CENPF: variants seen among roughly 807,000 people sequenced by gnomAD.
CENPF encodes the protein AH antigen.
A neutral mutation model predicts 307.3 loss-of-function variants in CENPF; 214 were observed. The observed-to-expected ratio is 0.70, with a 90% CI of 0.62 to 0.78. CENPF has a LOEUF of 0.78. CENPF is among the 30% of genes least tolerant of loss of function. CENPF has a pLI of 0.00. For synonymous variants in CENPF, 1,259 were observed against 1,270.6 expected, an observed-to-expected ratio of 0.99 and a Z score of 0.19; for missense variants, 3,401 against 3,483.9, an observed-to-expected ratio of 0.98 and a Z score of 0.60.
intron 10 of CENPF, among the ~76,000 whole-genome samples, chr1:214,635,378 G>T (rs1330796976): frequency 1.3e-5 from 2 of 152,200 alleles, no homozygotes; most frequent in South Asian, 2.1e-4. Context: ...GTTGATCTGG[G>T]TGGAATTGCT....
intron 1 of CENPF, among the ~76,000 whole-genome samples, chr1:214,612,115 T>A (rs1174345985): frequency 6.6e-6 from 1 of 152,224 alleles, no homozygotes; most frequent in East Asian, 1.9e-4. Context: ...TGTGGGTTTG[T>A]CATAGATGGC....
Position 214,640,607 on chromosome 1 carries a change from C to A in CENPF, c.2269C>A (p.His757Asn), listed in dbSNP as rs768431064. ...MDKDRCYQDL[H>N]AEYESLRDLL... ...CAAAGACCGGTGTTACCAAGACTTG[C>A]ATGCCGAATATGAGAGCCTCAGGGA... Residue 757 changes from histidine to asparagine, a missense_variant, in exon 12 of 20, where the codon CAT (histidine) becomes AAT (asparagine). His to Asn is a moderately conservative substitution (Grantham distance 68). Transcript: ENST00000366955. 1.2e-6 allele frequency: 2 copies of A among 1,614,112 alleles called. No individual in the cohort carries two copies. Among genetic ancestry groups the A allele is most frequent in the South Asian group, 2.2e-5 (2 of 91,074 alleles).
chr1:214,640,001 A>G lies in CENPF; in HGVS notation c.1663A>G (p.Lys555Glu), dbSNP rs1477418384. The G allele has an allele frequency of 6.3e-7, 1 of 1,590,924 alleles. No individual in the cohort carries two copies. Among genetic ancestry groups the G allele is most frequent in the Non-Finnish European group, 8.5e-7 (1 of 1,174,442 alleles). Residue 555 changes from lysine (K) to glutamate (E), a missense_variant, in exon 12 of 20, where the codon AAA becomes GAA. Transcript: ENST00000366955. The stretch of plus-strand genomic sequence containing the variant: ...GCAAGAAAACTCCTTGACTTTAGAA[A>G]AACTGAAGCTTGCTGTGGCTGATCT... Reference protein sequence around the residue: ...NQQENSLTLEKLKLAVADLEK... With the variant: ...NQQENSLTLEELKLAVADLEK...
intron 15 of CENPF, 66 bp downstream of exon 15, chr1:214,651,952 T>G (rs900094971): frequency 1.4e-6 from 2 of 1,400,594 alleles, no homozygotes; most frequent in Non-Finnish European, 1.9e-6. Context: ...AAGGCTTTTT[T>G]TTTTTTCCAA....
chr1:214,655,379 G>A lies in CENPF; in HGVS notation c.8461G>A (p.Ala2821Thr), dbSNP rs2102417093. ...GCAGAAAGAACTCTCTCAACTTCAA[G>A]CTGCACAGGAGAAGCAGAAAACAGG... ...ILQKELSQLQ[A>T]AQEKQKTGTV... The change falls in exon 17 of 20, where the codon GCT becomes ACT. Residue 2821 changes from alanine (A) to threonine (T), a missense_variant. By Grantham distance (58) the Ala-to-Thr change is moderately conservative. Coordinates refer to ENST00000366955, the MANE Select transcript of CENPF (RefSeq NM_016343.4). 6.2e-7 allele frequency: 1 copy of A among 1,604,424 alleles called. No individual in the cohort carries two copies. The highest frequency in any genetic ancestry group is 8.5e-7 in the Non-Finnish European group (1 of 1,176,368).
rs140887866 is a variant in CENPF, at chr1:214,657,183, A to C, written c.8736A>C (p.Pro2912=). 2,665 of 1,614,202 alleles carry C rather than the reference A, an allele frequency of 1.7e-3. 7 individuals are homozygous for C. The highest frequency in any genetic ancestry group is 2.1e-3 in the Non-Finnish European group (2,448 of 1,180,016). The part of the protein sequence containing the change: ...LLGPVVPGPS[P]IPSVTEKRLS... ...GTCCAGTTGTTCCAGGACCATCTCCAATCCCTTCTGTTACTGAAAAGAGGT... is the reference window on the plus strand; with the variant it reads ...GTCCAGTTGTTCCAGGACCATCTCCCATCCCTTCTGTTACTGAAAAGAGGT... The change falls in exon 18 of 20, where the codon CCA becomes CCC. Residue 2912 remains proline, a synonymous_variant. Transcript: ENST00000366955.
At chr1:214,619,312 T>G in intron 5 of CENPF, 92 bp downstream of exon 5, 1 of 670,090 alleles carries the variant, frequency 1.5e-6, no homozygotes, top group South Asian at 2.1e-5. Flanking sequence ...CTGTTTTACA[T>G]AGAGCTGGCC....
In CENPF at chr1:214,630,568, T is replaced by G; in HGVS notation, c.1229T>G (p.Leu410Arg). The stretch of plus-strand genomic sequence containing the variant: ...CGTCAACAGCGTTCTTTCCAAACAC[T>G]GGACCAGGAGTGCATCCAGATGAAG... ...LSRQQRSFQT[L>R]DQECIQMKAR... Residue 410 changes from leucine (L) to arginine (R), a missense_variant, in exon 9 of 20, where the codon CTG becomes CGG. Physicochemically the swap from Leu to Arg is moderately radical, Grantham distance 102. Transcript: ENST00000366955. 2 of 1,614,114 alleles carry G rather than the reference T, an allele frequency of 1.2e-6. No individual in the cohort carries two copies. Among genetic ancestry groups the G allele is most frequent in the Non-Finnish European group, 1.7e-6 (2 of 1,180,010 alleles).
chr1:214,620,799 G>T lies in CENPF; in HGVS notation c.718G>T (p.Asp240Tyr). The T allele has an allele frequency of 5.6e-6, 9 of 1,614,170 alleles. No individual in the cohort carries two copies. The highest frequency in any genetic ancestry group is 1.3e-5 in the African/African-American group (1 of 75,048). ...SNSQRTPIRRDFSASYFSGEQ... is the reference protein window; with the variant it reads ...SNSQRTPIRRYFSASYFSGEQ... ...TTCTCAAAGAACTCCAATTAGGAGAGATTTCTCTGCATCTTACTTTTCTGG... is the reference window on the plus strand; with the variant it reads ...TTCTCAAAGAACTCCAATTAGGAGATATTTCTCTGCATCTTACTTTTCTGG... The change falls in exon 6 of 20, where the codon GAT becomes TAT. Residue 240 changes from aspartate to tyrosine, a missense_variant. Physicochemically the swap from Asp to Tyr is radical, Grantham distance 160. Coordinates refer to ENST00000366955, the MANE Select transcript of CENPF (RefSeq NM_016343.4).
rs749098166 is a variant in CENPF at position 214,646,576 on chromosome 1, G to A, written c.7006G>A (p.Gly2336Ser). 1.9e-6 allele frequency: 3 copies of A among 1,613,940 alleles called. No homozygotes were observed. Among genetic ancestry groups the A allele is most frequent in the Non-Finnish European group, 2.5e-6 (3 of 1,180,008 alleles). ...TGAGCATCATGCAGATTTACTTAAG[G>A]GTAGAGTGGAGAACCTTGAAAGAGA... ...ESEHHADLLKGRVENLERELE... is the reference protein window; with the variant it reads ...ESEHHADLLKSRVENLERELE... The change falls in exon 13 of 20, where the codon GGT (glycine) becomes AGT (serine). Residue 2336 changes from glycine (G) to serine (S), a missense_variant. Physicochemically the swap from Gly to Ser is moderately conservative, Grantham distance 56. Transcript: ENST00000366955.
At position 214,656,967 on chromosome 1, in the gene CENPF, A is replaced by C; in HGVS notation, c.8520A>C (p.Thr2840=). 2 of 1,611,926 alleles carry C rather than the reference A, an allele frequency of 1.2e-6. No homozygotes were observed. The highest frequency in any genetic ancestry group is 1.7e-6 in the Non-Finnish European group (2 of 1,179,458). ...TGGATACCAAGGTCGATGAATTAAC[A>C]ACTGAGATCAAAGAACTGAAAGAAA... is the stretch of plus-strand genomic sequence containing the variant. ...TVMDTKVDEL[T]TEIKELKETL... Residue 2840 remains threonine, a synonymous_variant, in exon 18 of 20, where the codon ACA becomes ACC. Transcript: ENST00000366955.
chr1:214,616,846 T>C (rs568452917), intron 3 of CENPF, among the ~76,000 whole-genome samples: 88 of 3,818 alleles, frequency 0.023, 3 homozygotes, highest in African/African-American at 0.044. Context: ...TCTTTCTTTC[T>C]TTCTTTCTTT....
chr1:214,645,649 T>C lies in CENPF; in HGVS notation c.6079T>C (p.Leu2027=). Residue 2027 remains leucine (L), a synonymous_variant, in exon 13 of 20, where the codon TTA becomes CTA. Coordinates refer to ENST00000366955, the MANE Select transcript of CENPF (RefSeq NM_016343.4). The stretch of plus-strand genomic sequence containing the variant: ...TTTGTCCTCTGATGTGAGTGAGCTG[T>C]TAAAAGACAAAACTCATCTCCAGGA... ...QTLSSDVSEL[L]KDKTHLQEKL... 6.2e-7 allele frequency: 1 copy of C among 1,614,060 alleles called. No homozygotes were observed. The highest frequency in any genetic ancestry group is 1.3e-5 in the African/African-American group (1 of 75,016).
chr1:214,608,565 C>T (rs1424089090), intron 1 of CENPF: 21 of 1,610,472 alleles, frequency 1.3e-5, no homozygotes, highest in Middle Eastern at 4.5e-4. Context: ...GGCGGGCGCT[C>T]TTGGTGGGGA....
intron 1 of CENPF, chr1:214,606,088 G>T: frequency 6.3e-7 from 1 of 1,586,380 alleles, no homozygotes; most frequent in Non-Finnish European, 8.5e-7. Context: ...ACCTGGAGGC[G>T]CCGGAGCAGG....
At chr1:214,633,194 G>A (rs1571709262) in intron 10 of CENPF, among the ~76,000 whole-genome samples, 1 of 152,220 alleles carries the variant, frequency 6.6e-6, no homozygotes. Context: ...GCATGCCCTG[G>A]TTGACGGTGT....
Position 214,657,224 on chromosome 1 carries a change from A to G in CENPF, c.8777A>G (p.Asn2926Ser), listed in dbSNP as rs775447126. The change falls in exon 18 of 20, where the codon AAT becomes AGT. Residue 2926 changes from asparagine (N) to serine (S), a missense_variant. Coordinates refer to ENST00000366955, the MANE Select transcript of CENPF (RefSeq NM_016343.4). ...GAAAAGAGGTTATCATCTGGCCAAA[A>G]TAAAGCTTCAGGCAAGAGGCAAAGA... ...VTEKRLSSGQ[N>S]KASGKRQRSS... 1.2e-6 allele frequency: 2 copies of G among 1,614,156 alleles called. No homozygotes were observed. The highest frequency in any genetic ancestry group is 1.7e-6 in the Non-Finnish European group (2 of 1,180,026).
chr1:214,615,495 C>T (rs767307155), intron 3 of CENPF, among the ~76,000 whole-genome samples: 15 of 151,968 alleles, frequency 9.9e-5, no homozygotes, highest in Non-Finnish European at 1.9e-4. Context: ...ACTGATGGCT[C>T]GTGTTTTCTC....
At position 214,655,381 on chromosome 1, in the gene CENPF, T is replaced by A; in HGVS notation, c.8463T>A (p.Ala2821=). The change falls in exon 17 of 20, where the codon GCT becomes GCA. Residue 2821 remains alanine (A), a synonymous_variant. Coordinates refer to ENST00000366955, the MANE Select transcript of CENPF (RefSeq NM_016343.4). ...ILQKELSQLQ[A]AQEKQKTGTV... ...AGAAAGAACTCTCTCAACTTCAAGC[T>A]GCACAGGAGAAGCAGAAAACAGGTG... 6.2e-7 allele frequency: 1 copy of A among 1,600,684 alleles called. No individual in the cohort carries two copies. The highest frequency in any genetic ancestry group is 8.5e-7 in the Non-Finnish European group (1 of 1,175,104).
Sources: allele counts gnomAD v4.1 joint callset (sites outside exome capture counted in the v4.1 genomes callset), GRCh38; gene constraint gnomAD v4.1.1; transcripts MANE v1.5; gene names NCBI Gene and HGNC (gene_info 2026-07-23, HGNC 2026-07-21).